The following GLB1 variants were observed in gnomAD, a reference collection of about 807,000 sequenced individuals.
GLB1 encodes galactosidase beta 1.
GLB1 carries 56 observed loss-of-function variants against 74.0 expected under a neutral mutation model. The observed-to-expected ratio is 0.76, with a 90% CI of 0.61 to 0.94. The LOEUF (loss-of-function observed/expected upper bound fraction) is 0.94. Ranked by LOEUF, GLB1 falls within the 40% of genes least tolerant of loss-of-function variation. The pLI is 0.00. For synonymous variants in GLB1, 323 were observed against 323.6 expected (o/e 1.00, Z 0.02); for missense variants, 787 against 845.5 (o/e 0.93, Z 0.86).
chr3:32,987,193 G>C, the GLB1 span, among the ~76,000 whole-genome samples: 16 of 152,334 alleles, frequency 1.1e-4, no homozygotes, highest in East Asian at 2.7e-3. Context: ...AAGGTTAAAA[G>C]ACTGGCCCTC....
chr3:33,006,021 T>C (rs988918627), intron 15 of GLB1, among the ~76,000 whole-genome samples: 3 of 152,232 alleles, frequency 2.0e-5, no homozygotes, highest in African/African-American at 7.2e-5. Context: ...CACCATGCTC[T>C]GTCATGCACC....
chr3:33,042,735 T>A (rs536917769), intron 10 of GLB1, among the ~76,000 whole-genome samples: 115 of 152,316 alleles, frequency 7.6e-4, no homozygotes, highest in African/African-American at 2.6e-3. Context: ...TCTTTAAAAA[T>A]GCCATATACC....
At chr3:33,091,263 C>T (rs1419274147) in intron 1 of GLB1, 1 of 985,496 alleles carries the variant, frequency 1.0e-6, no homozygotes, top group Non-Finnish European at 1.2e-6. Flanking sequence ...ACTGTCAATA[C>T]CGTGGCTGCC....
In GLB1 at chr3:33,072,608, G is replaced by T; in HGVS notation, c.181C>A (p.Pro61Thr). The change falls in exon 2 of 16, where the codon CCC (proline) becomes ACC (threonine). Residue 61 changes from proline to threonine, a missense_variant. By Grantham distance (38) the Pro-to-Thr change is conservative. Transcript: ENST00000307363. ...AGCCGGTCCTTCCAGTAGAAGCGGG[G>T]CACACGGGAGTAGTGAATGCTTCCT... ...ISGSIHYSRVPRFYWKDRLLK... is the reference protein window; with the variant it reads ...ISGSIHYSRVTRFYWKDRLLK... 6.2e-7 allele frequency: 1 copy of T among 1,614,078 alleles called. No individual in the cohort carries two copies. The highest frequency in any genetic ancestry group is 1.7e-4 in the Middle Eastern group (1 of 5,982).
Position 33,051,969 on chromosome 3 carries a change from G to A in GLB1, c.828C>T (p.His276=). 1.2e-6 allele frequency: 2 copies of A among 1,614,206 alleles called. No homozygotes were observed. The highest frequency in any genetic ancestry group is 2.2e-5 in the South Asian group (2 of 91,092). Reference sequence around the variant, plus strand: ...TGATTGTGGAGTGAGGTTGGCCCCAGTGATCTAGCCAGCCAGTATAGAATT... The same window carrying A: ...TGATTGTGGAGTGAGGTTGGCCCCAATGATCTAGCCAGCCAGTATAGAATT... The part of the protein sequence containing the change: ...NSEFYTGWLD[H]WGQPHSTIKT... Residue 276 remains histidine, a synonymous_variant, in exon 8 of 16, where the codon CAC becomes CAT. Transcript: ENST00000307363.
intron 15 of GLB1, among the ~76,000 whole-genome samples, chr3:32,997,731 C>T (rs1015119992): frequency 1.3e-5 from 2 of 152,228 alleles, no homozygotes; most frequent in Non-Finnish European, 2.9e-5. Flanking sequence ...AGACCAGCCT[C>T]TCCCTGACTT....
intron 10 of GLB1, among the ~76,000 whole-genome samples, chr3:33,035,301 G>T (rs551331213): frequency 1.3e-5 from 2 of 151,948 alleles, no homozygotes; most frequent in African/African-American, 4.8e-5. Context: ...GTGTGGTGGC[G>T]CACACCTGTA....
At chr3:33,083,555 G>A (rs1339704281) in intron 1 of GLB1, among the ~76,000 whole-genome samples, 8 of 152,166 alleles carry the variant, frequency 5.3e-5, no homozygotes, top group South Asian at 2.1e-4. Flanking sequence ...AATTGGCGCA[G>A]GAATGCAATA....
intron 10 of GLB1, among the ~76,000 whole-genome samples, chr3:33,027,682 T>C (rs1467537701): frequency 6.6e-6 from 1 of 152,108 alleles, no homozygotes; most frequent in African/African-American, 2.4e-5. Context: ...CTTGGGAGGC[T>C]GAGACATGAA....
the GLB1 span, among the ~76,000 whole-genome samples, chr3:32,972,157 AT>A: frequency 6.6e-6 from 1 of 152,192 alleles, no homozygotes; most frequent in Non-Finnish European, 1.5e-5. Context: ...CCGTACCCCC[AT>A]CTATATGCTC....
intron 9 of GLB1, among the ~76,000 whole-genome samples, chr3:33,050,429 C>T (rs1041956366): frequency 9.2e-5 from 14 of 152,348 alleles, no homozygotes; most frequent in African/African-American, 2.9e-4. Flanking sequence ...AAATACTGTA[C>T]ATCCACACAA....
chr3:33,035,583 A>C (rs572768079), intron 10 of GLB1, among the ~76,000 whole-genome samples: 5 of 152,170 alleles, frequency 3.3e-5, no homozygotes, highest in Non-Finnish European at 7.3e-5. Context: ...AGTGCCTTAA[A>C]TGAGATCCCA....
At chr3:33,080,609 C>G (rs1313907055) in intron 1 of GLB1, among the ~76,000 whole-genome samples, 1 of 152,206 alleles carries the variant, frequency 6.6e-6, no homozygotes, top group East Asian at 1.9e-4. Flanking sequence ...GGGTGGAGAA[C>G]TGCATTCTCT....
intron 10 of GLB1, chr3:33,030,213 G>A (rs1697948251): frequency 6.6e-6 from 1 of 152,284 alleles, no homozygotes; most frequent in East Asian, 1.9e-4. Flanking sequence ...AGGGAGAATT[G>A]AAAGATGAGG....
chr3:33,083,425 T>G lies in GLB1; in HGVS notation c.76-10712A>C, dbSNP rs565137013. ...AAAAAAAAAAAAAAAAAAGTGGGAA[T>G]AGGAGGAAGAAAGGAGGAAAAAGGA... On this transcript the variant is annotated intron_variant, in intron 1 of 15. Coordinates refer to ENST00000307363, the MANE Select transcript of GLB1 (RefSeq NM_000404.4). 3.7e-3 allele frequency among the ~76,000 whole-genome samples: 473 copies of G among 129,098 alleles called. 4 individuals are homozygous for G. The highest frequency in any genetic ancestry group is 0.012 in the African/African-American group (454 of 36,656). The allele number at this position is 129,098 out of a possible 152,430, so 84.7% of individuals were successfully genotyped here. A position where few individuals can be genotyped will look rare whatever the true frequency, so the allele number is the denominator to read the frequency against.
At chr3:32,989,723 A>T in the GLB1 span, among the ~76,000 whole-genome samples, 1 of 152,212 alleles carries the variant, frequency 6.6e-6, no homozygotes, top group Non-Finnish European at 1.5e-5. Flanking sequence ...TTGCAGCTCA[A>T]TCAAGGCAAT....
intron 9 of GLB1, 76 bp from the exon 10 acceptor site, chr3:33,046,308 C>T (rs887928909): frequency 5.2e-6 from 8 of 1,545,422 alleles, no homozygotes; most frequent in Admixed American, 3.5e-5. Context: ...TCCATGAGCT[C>T]AGCACTGTAG....
At chr3:33,090,621 A>G in intron 1 of GLB1, 1 of 985,468 alleles carries the variant, frequency 1.0e-6, no homozygotes, top group Non-Finnish European at 1.2e-6. Flanking sequence ...ACAAACAAAC[A>G]AAAAGGTCCA....
chr3:33,094,705 C>T (rs1401089887), intron 1 of GLB1, among the ~76,000 whole-genome samples: 1 of 152,042 alleles, frequency 6.6e-6, no homozygotes. Context: ...CTTCCAGAGG[C>T]TATGTGACAT....
Sources: allele counts gnomAD v4.1 joint callset (sites outside exome capture counted in the v4.1 genomes callset), GRCh38; gene constraint gnomAD v4.1.1; transcripts MANE v1.5; gene names NCBI Gene and HGNC (gene_info 2026-07-23, HGNC 2026-07-21).